AKAP6: variants seen among roughly 807,000 people sequenced by gnomAD.
AKAP6 encodes the protein A-kinase anchor protein 6.
In AKAP6, 58 loss-of-function variants were observed where a neutral mutation model predicts 188.5. That is an observed-to-expected ratio of 0.31 (90% CI 0.25 to 0.38). The LOEUF (loss-of-function observed/expected upper bound fraction) is 0.38. AKAP6 is among the 10% of genes least tolerant of loss of function. AKAP6 has a pLI of 1.00. For synonymous variants in AKAP6, 989 were observed against 998.6 expected (o/e 0.99, Z 0.18); for missense variants, 2,710 against 2,740.0 (o/e 0.99, Z 0.24).
chr14:32,696,231 TC>T, intron 9 of AKAP6, 121 bp downstream of exon 9: 1 of 1,279,770 alleles, frequency 7.8e-7, no homozygotes, highest in Non-Finnish European at 1.0e-6. Context: ...CTATTAGAAT[TC>T]CCTTCCCTGT....
chr14:32,426,747 A>T (rs939494705), intron 1 of AKAP6, among the ~76,000 whole-genome samples: 2 of 152,170 alleles, frequency 1.3e-5, no homozygotes, highest in African/African-American at 4.8e-5. Context: ...TCTCTCTGTG[A>T]CAGGAAATGA....
intron 2 of AKAP6, among the ~76,000 whole-genome samples, chr14:32,529,966 T>TC (rs1319369773): frequency 1.5e-5 from 1 of 66,604 alleles, no homozygotes; most frequent in Non-Finnish European, 2.8e-5. Flanking sequence ...AAAGAAACTT[T>TC]TTTTTTTTTT....
chr14:32,673,999 G>A (rs914627711), intron 7 of AKAP6, among the ~76,000 whole-genome samples: 1 of 152,096 alleles, frequency 6.6e-6, no homozygotes, highest in African/African-American at 2.4e-5. Context: ...AAAATAGAGT[G>A]GATCTACTTT....
chr14:32,616,250 G>C (rs905075255), intron 7 of AKAP6, among the ~76,000 whole-genome samples: 32 of 152,254 alleles, frequency 2.1e-4, no homozygotes, highest in African/African-American at 7.5e-4. Context: ...TCGCATTACT[G>C]GGTATATATC....
At chr14:32,521,088 C>T (rs2139059090) in intron 2 of AKAP6, among the ~76,000 whole-genome samples, 1 of 152,244 alleles carries the variant, frequency 6.6e-6, no homozygotes, top group Admixed American at 6.5e-5. Flanking sequence ...ACAGAAACCA[C>T]ATGATTATCT....
chr14:32,618,108 T>C (rs1452126249), intron 7 of AKAP6, among the ~76,000 whole-genome samples: 1 of 150,818 alleles, frequency 6.6e-6, no homozygotes, highest in Non-Finnish European at 1.5e-5. Context: ...TTTATATCTT[T>C]GCATTTCACA....
chr14:32,621,589 A>C, intron 7 of AKAP6, among the ~76,000 whole-genome samples: 1 of 152,100 alleles, frequency 6.6e-6, no homozygotes, highest in East Asian at 1.9e-4. Context: ...TTTGTGGCCT[A>C]TCATATGGTC....
At chr14:32,542,497 G>C (rs1422446812) in intron 3 of AKAP6, among the ~76,000 whole-genome samples, 1 of 152,172 alleles carries the variant, frequency 6.6e-6, no homozygotes, top group African/African-American at 2.4e-5. Flanking sequence ...TGAGATCAAT[G>C]CTTAAAGAGA....
intron 12 of AKAP6, among the ~76,000 whole-genome samples, chr14:32,793,567 A>G (rs2033674017): frequency 6.6e-6 from 1 of 152,098 alleles, no homozygotes; most frequent in Admixed American, 6.5e-5. Flanking sequence ...ACTCCCACAC[A>G]ATAATAGTAG....
intron 10 of AKAP6, 80 bp downstream of exon 10, chr14:32,732,680 G>C: frequency 6.8e-7 from 1 of 1,480,292 alleles, no homozygotes; most frequent in South Asian, 1.1e-5. Context: ...TTTCTAATTT[G>C]AGGCACAAAT....
In AKAP6 at chr14:32,343,621, G is replaced by A. The variant is rs148494380; in HGVS notation, c.-35+14213G>A. On this transcript the variant is annotated intron_variant, in intron 1 of 13. Coordinates refer to ENST00000280979, the MANE Select transcript of AKAP6 (RefSeq NM_004274.5). The stretch of plus-strand genomic sequence containing the variant: ...AAATTAGCCAGGCATGATGGCAGGC[G>A]CCTGTAGTCCCAGCTACTCGGGAGG... Among the ~76,000 whole-genome samples, 226 of 151,648 alleles carry A rather than the reference G, an allele frequency of 1.5e-3. 2 individuals are homozygous for A. The highest frequency in any genetic ancestry group is 5.2e-3 in the African/African-American group (214 of 41,342).
chr14:32,735,213 G>T (rs894598372), intron 10 of AKAP6, among the ~76,000 whole-genome samples: 20 of 151,968 alleles, frequency 1.3e-4, no homozygotes, highest in Non-Finnish European at 1.6e-4. Context: ...TCTACTCTTG[G>T]CCTCTTTAGT....
intron 11 of AKAP6, among the ~76,000 whole-genome samples, chr14:32,762,272 T>G (rs1594921542): frequency 2.0e-5 from 3 of 152,184 alleles, no homozygotes; most frequent in Non-Finnish European, 4.4e-5. Context: ...AGCATTTTAG[T>G]AATGATACAA....
chr14:32,743,649 A>G (rs953601353), intron 11 of AKAP6, among the ~76,000 whole-genome samples: 3 of 152,310 alleles, frequency 2.0e-5, no homozygotes, highest in East Asian at 1.9e-4. Flanking sequence ...AAGCAAAAAG[A>G]AAACTAATAA....
chr14:32,536,306 C>T (rs553823915), intron 3 of AKAP6, among the ~76,000 whole-genome samples: 2 of 152,164 alleles, frequency 1.3e-5, no homozygotes, highest in Non-Finnish European at 2.9e-5. Flanking sequence ...CTACCTGAGA[C>T]GTAAAGGAGA....
intron 9 of AKAP6, among the ~76,000 whole-genome samples, chr14:32,714,776 A>G (rs755338254): frequency 1.3e-5 from 2 of 151,934 alleles, no homozygotes; most frequent in Admixed American, 6.6e-5. Context: ...AAGTCATTTC[A>G]TAATATATGA....
At chr14:32,703,347 A>G (rs1594863700) in intron 9 of AKAP6, among the ~76,000 whole-genome samples, 1 of 152,166 alleles carries the variant, frequency 6.6e-6, no homozygotes, top group Non-Finnish European at 1.5e-5. Context: ...CTTAGATGAT[A>G]TGAATAGGAC....
At chr14:32,480,147 T>C (rs1330235029) in intron 2 of AKAP6, among the ~76,000 whole-genome samples, 1 of 152,142 alleles carries the variant, frequency 6.6e-6, no homozygotes, top group Non-Finnish European at 1.5e-5. Context: ...AACTTCTATT[T>C]CCTAATTCAA....
At chr14:32,600,574 T>C in intron 6 of AKAP6, 55 bp from the exon 7 acceptor site, 2 of 1,495,858 alleles carry the variant, frequency 1.3e-6, no homozygotes, top group South Asian at 1.4e-5. Context: ...ATAAAAATAA[T>C]GAGTAAAGAT....
Sources: gnomAD v4.1 joint callset for allele counts (sites outside exome capture counted in the v4.1 genomes callset) on GRCh38, gnomAD v4.1.1 for gene constraint, MANE v1.5 for transcripts, NCBI Gene and HGNC (gene_info 2026-07-23, HGNC 2026-07-21) for gene names.